Variants in JAKMIP2 observed in about 807,000 individuals in gnomAD.
JAKMIP2 encodes janus kinase and microtubule-interacting protein 2.
Under a neutral mutation model 115.0 loss-of-function variants are expected in JAKMIP2, and 25 were observed. That is an observed-to-expected ratio of 0.22 (90% CI 0.16 to 0.30). The LOEUF (loss-of-function observed/expected upper bound fraction) is 0.30. Among genes scored for constraint, JAKMIP2 ranks in the 10% least tolerant of loss-of-function variants. The pLI, the probability that JAKMIP2 is intolerant of heterozygous loss-of-function variation, is 1.00. For missense variants in JAKMIP2, 642 were observed against 957.6 expected (o/e 0.67, Z 4.35); for synonymous variants, 334 against 343.6 (o/e 0.97, Z 0.31).
At chr5:147,627,926 C>T (rs1398529065) in intron 16 of JAKMIP2, among the ~76,000 whole-genome samples, 1 of 151,002 alleles carries the variant, frequency 6.6e-6, no homozygotes, top group East Asian at 1.9e-4. Flanking sequence ...CGTAGAATTC[C>T]CTCATTTCAG....
chr5:147,686,807 A>T (rs1006966498), intron 1 of JAKMIP2, among the ~76,000 whole-genome samples: 1 of 152,218 alleles, frequency 6.6e-6, no homozygotes, highest in African/African-American at 2.4e-5. Context: ...ATATTTCCAA[A>T]TGTAAGAAAT....
Position 147,632,356 on chromosome 5 carries a change from G to A in JAKMIP2, c.1776+324C>T, listed in dbSNP as rs147946076. ...ATGGACATGAGTATTTAAAAACAAC[G>A]AATGTTGAGGATGGTTGAAATCTAT... On this transcript the variant is annotated intron_variant, in intron 13 of 21. Transcript: ENST00000616793. Among the ~76,000 whole-genome samples, 737 of 152,202 alleles carry A rather than the reference G, an allele frequency of 4.8e-3. 4 individuals are homozygous for A. Among genetic ancestry groups the A allele is most frequent in the African/African-American group, 0.016 (655 of 41,524 alleles).
intron 1 of JAKMIP2, among the ~76,000 whole-genome samples, chr5:147,742,307 C>A (rs187376203): frequency 6.6e-6 from 1 of 151,896 alleles, no homozygotes; most frequent in East Asian, 1.9e-4. Flanking sequence ...GCAAGACAGT[C>A]CCCTCTCAAT....
At chr5:147,702,660 GAA>G (rs763388302) in intron 1 of JAKMIP2, among the ~76,000 whole-genome samples, 10 of 110,168 alleles carry the variant, frequency 9.1e-5, no homozygotes, top group South Asian at 3.0e-4. Context: ...AAGAAAGAAA[GAA>G]AGAGAGAGAA....
In JAKMIP2 at chr5:147,586,942, T is replaced by C. The variant is rs1055544254; in HGVS notation, c.*4765A>G. On this transcript the variant is annotated 3_prime_UTR_variant, in exon 22 of 22. Transcript: ENST00000616793. ...AGGAAGAACTAAACCGCCAAACTAA[T>C]GACAGCAAAGGATTGTGAATCTGCC... 5 of 152,134 alleles carry C rather than the reference T, an allele frequency of 3.3e-5. No individual in the cohort carries two copies. The highest frequency in any genetic ancestry group is 7.3e-5 in the Non-Finnish European group (5 of 68,038). The allele number at this position is 152,134 out of a possible 1,614,324, so 9.4% of individuals were successfully genotyped here.
At chr5:147,642,215 C>T (rs2126720734) in intron 7 of JAKMIP2, among the ~76,000 whole-genome samples, 1 of 152,254 alleles carries the variant, frequency 6.6e-6, no homozygotes, top group African/African-American at 2.4e-5. Flanking sequence ...CCTATTTTTG[C>T]ATCCTTGTTC....
At chr5:147,613,165 C>T (rs1332931546) in intron 19 of JAKMIP2, among the ~76,000 whole-genome samples, 1 of 152,170 alleles carries the variant, frequency 6.6e-6, no homozygotes, top group Non-Finnish European at 1.5e-5. Context: ...ATCAACATTA[C>T]ATAACAACTA....
chr5:147,610,402 A>G (rs1021822205), intron 20 of JAKMIP2, among the ~76,000 whole-genome samples: 4 of 152,024 alleles, frequency 2.6e-5, no homozygotes, highest in South Asian at 2.1e-4. Flanking sequence ...TGTTGATGCT[A>G]TTGCTTTCTG....
At chr5:147,606,756 T>C (rs933559613) in intron 20 of JAKMIP2, among the ~76,000 whole-genome samples, 1 of 152,234 alleles carries the variant, frequency 6.6e-6, no homozygotes, top group Non-Finnish European at 1.5e-5. Flanking sequence ...GCATTGAATC[T>C]ATAAATTACT....
rs1753740746 is a variant in JAKMIP2, at chr5:147,731,720, CTT to C, written c.-149+50734_-149+50735del. On this transcript the variant is annotated intron_variant, in intron 1 of 21. Coordinates refer to ENST00000616793, the MANE Select transcript of JAKMIP2 (RefSeq NM_001270941.2). ...CAAGCACAGCAATGCCTCCTTCTTC[CTT>C]TTATCCAGATTATTTTCTTCCAAGA... Among the ~76,000 whole-genome samples, 5 of 152,156 alleles carry C rather than the reference CTT, an allele frequency of 3.3e-5. No individual in the cohort carries two copies. In the South Asian group the frequency reaches 1.0e-3, roughly 32 times the overall value.
intron 15 of JAKMIP2, 42 bp downstream of exon 15, chr5:147,629,651 T>C (rs745748304): frequency 6.8e-7 from 1 of 1,468,092 alleles, no homozygotes; most frequent in East Asian, 2.3e-5. Flanking sequence ...TTGCCTCTGT[T>C]TAGGCAAATT....
At chr5:147,762,962 A>G (rs371258675) in intron 1 of JAKMIP2, among the ~76,000 whole-genome samples, 47 of 152,276 alleles carry the variant, frequency 3.1e-4, no homozygotes, top group Middle Eastern at 6.8e-3. Context: ...AACTTCTGCC[A>G]GGAGAGTTTG....
intron 17 of JAKMIP2, among the ~76,000 whole-genome samples, chr5:147,622,373 C>T (rs956717478): frequency 2.0e-5 from 3 of 152,194 alleles, no homozygotes; most frequent in Non-Finnish European, 4.4e-5. Flanking sequence ...ATTTTTCATG[C>T]TGCAAAACTG....
At chr5:147,605,655 C>G in intron 20 of JAKMIP2, among the ~76,000 whole-genome samples, 1 of 152,058 alleles carries the variant, frequency 6.6e-6, no homozygotes, top group East Asian at 1.9e-4. Context: ...GGTTATATAT[C>G]CAGTAATGGG....
intron 8 of JAKMIP2, 53 bp from the exon 9 acceptor site, chr5:147,640,876 T>G (rs748398284): frequency 6.4e-7 from 1 of 1,563,898 alleles, no homozygotes; most frequent in African/African-American, 1.4e-5. Flanking sequence ...TAGGGAAAGT[T>G]GAACGTTAAA....
rs902480883 is a variant in JAKMIP2, at chr5:147,645,053, G to T, written c.937-57C>A. 67 of 1,567,630 alleles carry T rather than the reference G, an allele frequency of 4.3e-5. No individual in the cohort carries two copies. In the East Asian group the frequency reaches 1.5e-3, roughly 34 times the overall value. On this transcript the variant is annotated intron_variant, in intron 5 of 21. Transcript: ENST00000616793. ...GCGTTTGGGGGACGTGGGGGCAGGGGAGTAAAGTGGTGGGAGTGAAAGCAC... is the reference window on the plus strand; with the variant it reads ...GCGTTTGGGGGACGTGGGGGCAGGGTAGTAAAGTGGTGGGAGTGAAAGCAC...
At chr5:147,778,597 C>T (rs1037160195) in intron 1 of JAKMIP2, among the ~76,000 whole-genome samples, 2 of 151,954 alleles carry the variant, frequency 1.3e-5, no homozygotes, top group Non-Finnish European at 2.9e-5. Context: ...AATCTGTTTC[C>T]ACTTATTTTA....
At chr5:147,718,438 G>T (rs1228355847) in intron 1 of JAKMIP2, among the ~76,000 whole-genome samples, 1 of 152,034 alleles carries the variant, frequency 6.6e-6, no homozygotes, top group Non-Finnish European at 1.5e-5. Context: ...GTTCCTCCTT[G>T]TACCTCTGGT....
At chr5:147,627,655 C>T (rs59349956) in intron 16 of JAKMIP2, among the ~76,000 whole-genome samples, 1 of 115,552 alleles carries the variant, frequency 8.7e-6, no homozygotes, top group African/African-American at 3.4e-5. Context: ...CAATGTGTAT[C>T]TCTAACAGAT....
Sources: allele counts gnomAD v4.1 joint callset (sites outside exome capture counted in the v4.1 genomes callset), GRCh38; gene constraint gnomAD v4.1.1; transcripts MANE v1.5; gene names NCBI Gene and HGNC (gene_info 2026-07-23, HGNC 2026-07-21).